The following CD48 variants were observed in gnomAD, a reference collection of about 807,000 sequenced individuals.
The protein encoded by CD48 is CD48 antigen.
In CD48, 20 loss-of-function variants were observed where a neutral mutation model predicts 22.0. That is an observed-to-expected ratio of 0.91 (90% confidence interval 0.64 to 1.32). The LOEUF (loss-of-function observed/expected upper bound fraction) is 1.32, where lower values mean the gene tolerates loss of function less well. Ranked by LOEUF, CD48 falls within the 40% of genes most tolerant of loss-of-function variation. The probability of loss-of-function intolerance (pLI) is 0.00; values close to 1 mark genes in which losing one functional copy is unlikely to be tolerated. For missense variants in CD48, 307 were observed against 286.5 expected (o/e 1.07, Z -0.52); for synonymous variants, 110 against 110.1 (o/e 1.00, Z 0.01).
At chr1:160,681,074 T>C (rs1200710069) in intron 3 of CD48, 128 bp downstream of exon 3, 1 of 1,536,054 alleles carries the variant, frequency 6.5e-7, no homozygotes, top group Non-Finnish European at 8.8e-7. Flanking sequence ...GTCTCCCAGC[T>C]CTCCCAGACA....
chr1:160,681,512 C>A, intron 2 of CD48, 44 bp from the exon 3 acceptor site: 1 of 1,596,780 alleles, frequency 6.3e-7, no homozygotes, highest in Non-Finnish European at 8.5e-7. Context: ...GTGAGGCATT[C>A]ATGCTGTGAA....
chr1:160,692,226 A>G (rs1206034930), intron 1 of CD48: 2 of 152,234 alleles, frequency 1.3e-5, no homozygotes, highest in Non-Finnish European at 2.9e-5. Context: ...GCTGTATAAT[A>G]GATTGTAATG....
chr1:160,681,352 C>T lies in CD48; in HGVS notation c.502G>A (p.Asp168Asn). Residue 168 changes from aspartate to asparagine, a missense_variant, in exon 3 of 4, where the codon GAC becomes AAC. Asp to Asn is a conservative substitution (Grantham distance 23). Transcript: ENST00000368046. Reference sequence around the variant, plus strand: ...AGCTCCTTTGGGAAGGGCCTTTTGTCCCCATACCAGGTGTAGTTTACAGAC... The same window carrying T: ...AGCTCCTTTGGGAAGGGCCTTTTGTTCCCATACCAGGTGTAGTTTACAGAC... ...GESVNYTWYG[D>N]KRPFPKELQN... 6.2e-7 allele frequency: 1 copy of T among 1,614,152 alleles called. No homozygotes were observed. Among genetic ancestry groups the T allele is most frequent in the Non-Finnish European group, 8.5e-7 (1 of 1,180,028 alleles).
intron 3 of CD48, among the ~76,000 whole-genome samples, chr1:160,679,954 G>A (rs1661733846): frequency 1.3e-5 from 2 of 152,200 alleles, no homozygotes; most frequent in South Asian, 4.1e-4. Context: ...TGTGGTGGCA[G>A]AAGAGCAAGG....
intron 2 of CD48, chr1:160,683,939 C>T (rs1661900154): frequency 6.6e-6 from 1 of 152,106 alleles, no homozygotes; most frequent in Admixed American, 6.5e-5. Context: ...ATAATCTGAT[C>T]CTTTCACCAA....
chr1:160,709,438 G>GA (rs1271816981), intron 1 of CD48, among the ~76,000 whole-genome samples: 6 of 152,192 alleles, frequency 3.9e-5, no homozygotes, highest in African/African-American at 1.4e-4. Context: ...TGAGGAAGCT[G>GA]AGGCTCAGGA....
chr1:160,696,345 C>T (rs1662428330), intron 1 of CD48, among the ~76,000 whole-genome samples: 1 of 152,296 alleles, frequency 6.6e-6, no homozygotes, highest in Non-Finnish European at 1.5e-5. Context: ...ATCAGTTAAA[C>T]CAGCTATTCA....
chr1:160,691,480 A>G (rs1295432000), intron 1 of CD48, among the ~76,000 whole-genome samples: 2 of 152,152 alleles, frequency 1.3e-5, no homozygotes, highest in Admixed American at 6.5e-5. Context: ...TCTATGATGC[A>G]AAGACCTTTG....
chr1:160,698,014 G>C (rs528055630), intron 1 of CD48, among the ~76,000 whole-genome samples: 5 of 152,206 alleles, frequency 3.3e-5, no homozygotes, highest in Non-Finnish European at 5.9e-5. Context: ...CAGAATTGTG[G>C]AGGCTTACTG....
In CD48 at chr1:160,698,310, C is replaced by T. The variant is rs370328664; in HGVS notation, c.83-13121G>A. On this transcript the variant is annotated intron_variant, in intron 1 of 3. Coordinates refer to ENST00000368046, the MANE Select transcript of CD48 (RefSeq NM_001778.4). The stretch of plus-strand genomic sequence containing the variant: ...GAAGGCATGTGGATCCCTGTGTCCA[C>T]GGACCGACCGTGGGAGGCCTCGCCA... Among the ~76,000 whole-genome samples the T allele has an allele frequency of 5.3e-5, 8 of 151,704 alleles. No individual in the cohort carries two copies. The East Asian group carries it at 5.8e-4, about 11-fold the overall frequency.
intron 1 of CD48, among the ~76,000 whole-genome samples, chr1:160,701,803 T>C (rs1308112319): frequency 2.0e-5 from 3 of 152,094 alleles, no homozygotes; most frequent in Non-Finnish European, 4.4e-5. Flanking sequence ...AGTCCTACCT[T>C]AGTGGGATGT....
chr1:160,680,838 C>T (rs1489002792), intron 3 of CD48: 13 of 1,298,606 alleles, frequency 1.0e-5, no homozygotes, highest in Non-Finnish European at 1.2e-5. Flanking sequence ...CTCTAGACAG[C>T]TGCTCGCCCA....
Position 160,681,256 on chromosome 1 carries a change from T to A in CD48, c.598A>T (p.Asn200Tyr). 2 of 1,614,210 alleles carry A rather than the reference T, an allele frequency of 1.2e-6. No homozygotes were observed. Among genetic ancestry groups the A allele is most frequent in the Non-Finnish European group, 1.7e-6 (2 of 1,180,028 alleles). ...YSRCYTCQVS[N>Y]SVSSKNGTVC... ...GTGCCATTCTTGCTGCTCACAGAAT[T>A]GCTGACTTGGCAAGTATAACACCTG... The change falls in exon 3 of 4, where the codon AAT becomes TAT. Residue 200 changes from asparagine to tyrosine, a missense_variant. Asn to Tyr is a moderately radical substitution (Grantham distance 143). Transcript: ENST00000368046.
At chr1:160,689,322 C>G (rs1194572398) in intron 1 of CD48, among the ~76,000 whole-genome samples, 3 of 152,058 alleles carry the variant, frequency 2.0e-5, no homozygotes, top group Non-Finnish European at 4.4e-5. Context: ...GTGTAGATTT[C>G]TGCAGGAGCA....
chr1:160,681,522 A>G (rs1392803990), intron 2 of CD48, 54 bp from the exon 3 acceptor site: 1 of 1,585,862 alleles, frequency 6.3e-7, no homozygotes, highest in Non-Finnish European at 8.6e-7. Context: ...CATGCTGTGA[A>G]GGTTTAGCCA....
intron 1 of CD48, among the ~76,000 whole-genome samples, chr1:160,692,678 C>T (rs980684099): frequency 2.0e-5 from 3 of 152,092 alleles, no homozygotes; most frequent in African/African-American, 7.2e-5. Flanking sequence ...TAGTGAATTA[C>T]ATGAAATTAT....
chr1:160,711,632 T>A, intron 1 of CD48, 50 bp downstream of exon 1: 1 of 1,398,688 alleles, frequency 7.1e-7, no homozygotes, highest in South Asian at 1.2e-5. Context: ...CTTTCCCAAC[T>A]GACCATGCCT....
chr1:160,711,654 T>A, intron 1 of CD48, 28 bp downstream of exon 1: 1 of 1,557,162 alleles, frequency 6.4e-7, no homozygotes, highest in Non-Finnish European at 8.9e-7. Flanking sequence ...CAGTGCACAA[T>A]CACAGATACA....
chr1:160,702,074 C>G (rs915169680), intron 1 of CD48, among the ~76,000 whole-genome samples: 2 of 152,072 alleles, frequency 1.3e-5, no homozygotes, highest in Admixed American at 6.5e-5. Flanking sequence ...AAATAGGAAA[C>G]TTGGCAGACA....
Sources: gnomAD v4.1 joint callset for allele counts (sites outside exome capture counted in the v4.1 genomes callset) on GRCh38, gnomAD v4.1.1 for gene constraint, MANE v1.5 for transcripts, NCBI Gene and HGNC (gene_info 2026-07-23, HGNC 2026-07-21) for gene names.